The following PWWP2A variants were observed in gnomAD, a reference collection of about 807,000 sequenced individuals.
The protein encoded by PWWP2A is PWWP domain-containing protein 2A.
A neutral mutation model predicts 48.5 loss-of-function variants in PWWP2A; 18 were observed. That is an observed-to-expected ratio of 0.37 (90% CI 0.26 to 0.55). The LOEUF (loss-of-function observed/expected upper bound fraction) is 0.55, where lower values mean the gene tolerates loss of function less well. Ranked by LOEUF, PWWP2A falls within the 20% of genes least tolerant of loss-of-function variation. The probability of loss-of-function intolerance (pLI) is 0.81; values close to 1 mark genes in which losing one functional copy is unlikely to be tolerated. For synonymous variants in PWWP2A, 396 were observed against 387.7 expected, an observed-to-expected ratio of 1.02 and a Z score of -0.25; for missense variants, 867 against 976.4, an observed-to-expected ratio of 0.89 and a Z score of 1.49.
chr5:160,108,506 CTGGACACTGTAGTA>C, intron 1 of PWWP2A: 1 of 1,031,958 alleles, frequency 9.7e-7, no homozygotes, highest in Non-Finnish European at 1.3e-6. Flanking sequence ...AGTTCTCAAC[CTGGACACTGTAGTA>C]TAAGCTACTG....
At chr5:160,052,767 A>G in the PWWP2A span, among the ~76,000 whole-genome samples, 1 of 152,092 alleles carries the variant, frequency 6.6e-6, no homozygotes, top group Non-Finnish European at 1.5e-5. Flanking sequence ...CCTTGTCTTT[A>G]TAAATTCTAA....
At chr5:160,116,460 A>AAAAT (rs572837260) in intron 1 of PWWP2A, among the ~76,000 whole-genome samples, 239 of 152,258 alleles carry the variant, frequency 1.6e-3, no homozygotes, top group African/African-American at 5.2e-3. Flanking sequence ...CGTCTTGGAA[A>AAAAT]AAATAAATAA....
In PWWP2A at chr5:160,080,854, A is replaced by G. The variant is rs549455239; in HGVS notation, c.1550-84T>C. The G allele has an allele frequency of 1.2e-3, 1,533 of 1,259,872 alleles. 3 individuals carry two copies. The highest frequency in any genetic ancestry group is 1.5e-3 in the Non-Finnish European group (1,396 of 924,852). The allele number at this position is 1,259,872 out of a possible 1,614,324, so 78.0% of individuals were successfully genotyped here. A position where few individuals can be genotyped will look rare whatever the true frequency, so the allele number is the denominator to read the frequency against. On this transcript the variant is annotated intron_variant, in intron 2 of 3. Coordinates refer to the PWWP2A transcript ENST00000456329. Reference sequence around the variant, plus strand: ...ATTTTACCAAAAAAATAGTTTTAAAATAAGACCAAAATTCAGGTGAATTTT... The same window carrying G: ...ATTTTACCAAAAAAATAGTTTTAAAGTAAGACCAAAATTCAGGTGAATTTT...
chr5:160,088,848 TCCAATTC>T (rs1754845043), downstream of PWWP2A, among the ~76,000 whole-genome samples: 1 of 152,224 alleles, frequency 6.6e-6, no homozygotes, highest in African/African-American at 2.4e-5. Flanking sequence ...TTAAGGTATT[TCCAATTC>T]CCAATTCAGT....
chr5:160,054,108 C>G, the PWWP2A span, among the ~76,000 whole-genome samples: 702 of 152,160 alleles, frequency 4.6e-3, 8 homozygotes, highest in African/African-American at 0.016. Flanking sequence ...TGGTCCTTTT[C>G]TCTGGGATAA....
downstream of PWWP2A, among the ~76,000 whole-genome samples, chr5:160,070,928 C>T (rs1753725118): frequency 6.6e-6 from 1 of 152,352 alleles, no homozygotes; most frequent in Non-Finnish European, 1.5e-5. Flanking sequence ...TGGCTCACGC[C>T]TGTAATCCCA....
intron 2 of PWWP2A, among the ~76,000 whole-genome samples, chr5:160,085,820 C>CT (rs200535434): frequency 5.0e-4 from 60 of 119,090 alleles, no homozygotes; most frequent in East Asian, 1.0e-3. Flanking sequence ...ATGTCATATT[C>CT]TTTTTTTTTT....
Position 160,092,003 on chromosome 5 carries a change from T to C in PWWP2A, c.*379A>G, listed in dbSNP as rs1344041352. 1.8e-6 allele frequency: 1 copy of C among 540,746 alleles called. No homozygotes were observed. The allele number at this position is 540,746 out of a possible 1,614,324, so 33.5% of individuals were successfully genotyped here. The stretch of plus-strand genomic sequence containing the variant: ...ATATACATATATATGTGTGTATATA[T>C]ACATACACGGATATATATATATACA... On this transcript the variant is annotated 3_prime_UTR_variant, in exon 2 of 2. Transcript: ENST00000307063.
the PWWP2A span, among the ~76,000 whole-genome samples, chr5:160,044,860 C>T: frequency 2.5e-3 from 375 of 152,266 alleles, 1 homozygote; most frequent in Non-Finnish European, 4.7e-3. Context: ...ATTCAGATGC[C>T]TCTGACACTC....
chr5:160,049,771 G>A, the PWWP2A span: 3 of 1,052,406 alleles, frequency 2.9e-6, no homozygotes, highest in East Asian at 8.8e-5. Context: ...CTGTGCTTTT[G>A]AGGAGCTTAT....
intron 1 of PWWP2A, among the ~76,000 whole-genome samples, chr5:160,109,776 T>TA (rs1757305424): frequency 7.2e-5 from 2 of 27,650 alleles, no homozygotes; most frequent in African/African-American, 1.3e-4. Flanking sequence ...AAAAAAAAAA[T>TA]ATATATATAT....
chr5:160,079,789 C>T (rs1049186329), intron 3 of PWWP2A, among the ~76,000 whole-genome samples: 7 of 152,006 alleles, frequency 4.6e-5, no homozygotes, highest in African/African-American at 7.3e-5. Flanking sequence ...TCAAGAGATA[C>T]GCATCTTAAG....
intron 4 of PWWP2A, among the ~76,000 whole-genome samples, chr5:160,064,717 C>G (rs189266615): frequency 6.6e-6 from 1 of 152,284 alleles, no homozygotes; most frequent in African/African-American, 2.4e-5. Flanking sequence ...CAAGCACAGG[C>G]TGAGGGTGGA....
At chr5:160,116,015 A>G (rs774976796) in intron 1 of PWWP2A, among the ~76,000 whole-genome samples, 19 of 152,108 alleles carry the variant, frequency 1.2e-4, no homozygotes, top group Non-Finnish European at 2.2e-4. Flanking sequence ...CATTAGTCCA[A>G]TAATAATTCC....
chr5:160,089,829 CAAGAAT>C (rs1040810789), downstream of PWWP2A: 23 of 985,272 alleles, frequency 2.3e-5, no homozygotes, highest in Non-Finnish European at 2.5e-5. Flanking sequence ...ATCTCCATAT[CAAGAAT>C]AAGTGCCTTT....
chr5:160,070,762 A>C (rs1398595852), intron 2 of PWWP2A, among the ~76,000 whole-genome samples: 2 of 152,232 alleles, frequency 1.3e-5, no homozygotes, highest in African/African-American at 4.8e-5. Flanking sequence ...CGGCAAAATG[A>C]CAAGACCTCA....
At chr5:160,113,725 G>C (rs1272329809) in intron 1 of PWWP2A, among the ~76,000 whole-genome samples, 1 of 152,142 alleles carries the variant, frequency 6.6e-6, no homozygotes, top group East Asian at 1.9e-4. Context: ...GAATCTGCTT[G>C]GCTCCAACAA....
chr5:160,049,589 A>G, the PWWP2A span: 4 of 1,612,608 alleles, frequency 2.5e-6, no homozygotes, highest in South Asian at 1.1e-5. Context: ...GACAAGCTAG[A>G]TGAAGCCCTG....
At chr5:160,105,262 AAAC>A (rs1756758550) in intron 1 of PWWP2A, among the ~76,000 whole-genome samples, 2 of 150,162 alleles carry the variant, frequency 1.3e-5, no homozygotes, top group Non-Finnish European at 3.0e-5. Context: ...AAAAAAAAAA[AAAC>A]AGGCTGGGCG....
Sources: gnomAD v4.1 joint callset for allele counts (sites outside exome capture counted in the v4.1 genomes callset) on GRCh38, gnomAD v4.1.1 for gene constraint, MANE v1.5 for transcripts, NCBI Gene and HGNC (gene_info 2026-07-23, HGNC 2026-07-21) for gene names.